The following SOX6 variants were observed in gnomAD, a reference collection of about 807,000 sequenced individuals.
The protein encoded by SOX6 is SRY-box transcription factor 6, also known as transcription factor SOX-6.
A neutral mutation model predicts 97.8 loss-of-function variants in SOX6; 11 were observed. That is an observed-to-expected ratio of 0.11 (90% CI 0.07 to 0.19). The LOEUF (loss-of-function observed/expected upper bound fraction) is 0.19, where lower values mean the gene tolerates loss of function less well. SOX6 is among the 10% of genes least tolerant of loss of function. The pLI is 1.00. For synonymous variants in SOX6, 360 were observed against 371.4 expected (o/e 0.97, Z 0.35); for missense variants, 810 against 1,039.5 (o/e 0.78, Z 3.04).
chr11:16,416,644 A>T (rs1298980078), intron 1 of SOX6, among the ~76,000 whole-genome samples: 1 of 152,158 alleles, frequency 6.6e-6, no homozygotes, highest in African/African-American at 2.4e-5. Flanking sequence ...TCTCAGCAGC[A>T]TTTTTCAAGA....
chr11:16,472,612 T>C (rs1371655421), intron 1 of SOX6, among the ~76,000 whole-genome samples: 1 of 152,100 alleles, frequency 6.6e-6, no homozygotes, highest in Admixed American at 6.5e-5. Flanking sequence ...AAAATAACAA[T>C]TTATTATTAA....
At chr11:15,982,159 G>A (rs375020026) in intron 15 of SOX6, among the ~76,000 whole-genome samples, 7 of 152,016 alleles carry the variant, frequency 4.6e-5, no homozygotes, top group East Asian at 1.9e-4. Context: ...GTGTAATGTC[G>A]TGTCCTTACC....
intron 11 of SOX6, among the ~76,000 whole-genome samples, chr11:16,047,656 T>C (rs1392271531): frequency 1.3e-5 from 2 of 152,068 alleles, no homozygotes; most frequent in Non-Finnish European, 2.9e-5. Flanking sequence ...GTGACAAATG[T>C]TAGTGTGATC....
At chr11:16,325,690 T>TA (rs1294071845) in intron 2 of SOX6, among the ~76,000 whole-genome samples, 1 of 152,102 alleles carries the variant, frequency 6.6e-6, no homozygotes, top group African/African-American at 2.4e-5. Flanking sequence ...ATCTAATTAT[T>TA]AAAAAATTAA....
intron 4 of SOX6, among the ~76,000 whole-genome samples, chr11:16,535,275 C>A (rs562587391): frequency 6.6e-6 from 1 of 152,252 alleles, no homozygotes; most frequent in African/African-American, 2.4e-5. Context: ...CCCAGTAAAC[C>A]CAGAGCAGAC....
At chr11:16,069,660 T>C (rs2133940412) in intron 9 of SOX6, among the ~76,000 whole-genome samples, 1 of 152,274 alleles carries the variant, frequency 6.6e-6, no homozygotes, top group Non-Finnish European at 1.5e-5. Context: ...AAAATTAAAG[T>C]TTATGCAAAT....
chr11:16,474,811 AG>A (rs2133119124), intron 1 of SOX6, among the ~76,000 whole-genome samples: 1 of 152,304 alleles, frequency 6.6e-6, no homozygotes, highest in South Asian at 2.1e-4. Flanking sequence ...CTTTGAAGCC[AG>A]GCGCTGACTT....
At chr11:16,029,123 C>T (rs1401586736) in intron 12 of SOX6, among the ~76,000 whole-genome samples, 1 of 152,184 alleles carries the variant, frequency 6.6e-6, no homozygotes, top group Non-Finnish European at 1.5e-5. Context: ...TCAACATAAA[C>T]AATCCTTCCC....
At chr11:16,233,357 G>A (rs1314153614) in intron 4 of SOX6, among the ~76,000 whole-genome samples, 1 of 152,176 alleles carries the variant, frequency 6.6e-6, no homozygotes, top group Non-Finnish European at 1.5e-5. Context: ...GAATCAGCAA[G>A]AGTTTGGTTA....
intron 3 of SOX6, among the ~76,000 whole-genome samples, chr11:16,645,716 A>G (rs1849003565): frequency 6.6e-6 from 1 of 152,210 alleles, no homozygotes; most frequent in Admixed American, 6.5e-5. Flanking sequence ...AAGATTTCTA[A>G]CAAACCAGCA....
At chr11:16,286,946 T>C (rs1854761781) in intron 3 of SOX6, among the ~76,000 whole-genome samples, 1 of 152,064 alleles carries the variant, frequency 6.6e-6, no homozygotes, top group South Asian at 2.1e-4. Context: ...TCTACTTTTG[T>C]GTAGGTTTGA....
At chr11:16,353,892 C>T (rs557765966) in intron 1 of SOX6, among the ~76,000 whole-genome samples, 6 of 151,998 alleles carry the variant, frequency 3.9e-5, no homozygotes, top group Non-Finnish European at 8.8e-5. Flanking sequence ...ACCACCACCT[C>T]CACCTCACGA....
chr11:16,149,322 G>A (rs1455353670), intron 6 of SOX6, among the ~76,000 whole-genome samples: 1 of 152,008 alleles, frequency 6.6e-6, no homozygotes, highest in Non-Finnish European at 1.5e-5. Flanking sequence ...AGGCTCTACA[G>A]TAATTTCCTT....
intron 6 of SOX6, among the ~76,000 whole-genome samples, chr11:16,147,174 TA>T (rs1054379232): frequency 1.3e-5 from 2 of 151,876 alleles, no homozygotes; most frequent in Non-Finnish European, 2.9e-5. Context: ...TATGCAGCCA[TA>T]AAAAAGGATG....
chr11:16,282,772 T>A (rs1036647432), intron 3 of SOX6, among the ~76,000 whole-genome samples: 5 of 151,204 alleles, frequency 3.3e-5, no homozygotes, highest in African/African-American at 9.7e-5. Context: ...TCAAAATATG[T>A]ATACGCCAAA....
intron 2 of SOX6, among the ~76,000 whole-genome samples, chr11:16,734,484 T>G (rs1848376405): frequency 6.6e-6 from 1 of 152,194 alleles, no homozygotes; most frequent in South Asian, 2.1e-4. Context: ...TTCTTCCTCA[T>G]TCTATCCTTA....
intron 3 of SOX6, among the ~76,000 whole-genome samples, chr11:16,658,031 T>C (rs569524043): frequency 6.6e-6 from 1 of 152,214 alleles, no homozygotes; most frequent in African/African-American, 2.4e-5. Context: ...GAACATCTCA[T>C]AAAAATCGCT....
chr11:16,738,197 C>A (rs947688215), intron 1 of SOX6, among the ~76,000 whole-genome samples: 1 of 151,956 alleles, frequency 6.6e-6, no homozygotes, highest in African/African-American at 2.4e-5. Flanking sequence ...AAATCCCCTG[C>A]GCGCAATAGA....
intron 10 of SOX6, among the ~76,000 whole-genome samples, chr11:16,054,392 T>G: frequency 6.6e-6 from 1 of 152,134 alleles, no homozygotes; most frequent in East Asian, 1.9e-4. Flanking sequence ...TCTGTCTTAT[T>G]AAATGTAAAC....
Sources: allele counts gnomAD v4.1 joint callset (sites outside exome capture counted in the v4.1 genomes callset), GRCh38; gene constraint gnomAD v4.1.1; transcripts MANE v1.5; gene names NCBI Gene and HGNC (gene_info 2026-07-23, HGNC 2026-07-21).